CNTNAP2: variants seen among roughly 807,000 people sequenced by gnomAD.
CNTNAP2 encodes contactin associated protein 2.
A neutral mutation model predicts 155.2 loss-of-function variants in CNTNAP2; 98 were observed. The observed-to-expected ratio is 0.63, with a 90% CI of 0.54 to 0.75. The LOEUF (loss-of-function observed/expected upper bound fraction) is 0.75, where lower values mean the gene tolerates loss of function less well. Among genes scored for constraint, CNTNAP2 ranks in the 30% least tolerant of loss-of-function variants. CNTNAP2 has a pLI of 0.00. For synonymous variants in CNTNAP2, 651 were observed against 631.2 expected, an observed-to-expected ratio of 1.03 and a Z score of -0.47; for missense variants, 1,727 against 1,688.1, an observed-to-expected ratio of 1.02 and a Z score of -0.40.
rs865873413 is a variant in CNTNAP2 at position 146,383,995 on chromosome 7, A to C, written c.97+267022A>C. On this transcript the variant is annotated intron_variant, in intron 1 of 23. Transcript: ENST00000361727. The stretch of plus-strand genomic sequence containing the variant: ...CAACCTGTTTGTTAGCTGTAATGTA[A>C]AAGAGTGTCACTGATTCGATATTGA... Among the ~76,000 whole-genome samples the C allele has an allele frequency of 3.5e-4, 54 of 152,250 alleles. 1 individual carries two copies. Among genetic ancestry groups the C allele is most frequent in the Middle Eastern group, 3.4e-3 (1 of 294 alleles).
intron 4 of CNTNAP2, among the ~76,000 whole-genome samples, chr7:147,071,442 A>G (rs1379328479): frequency 1.3e-5 from 2 of 152,016 alleles, no homozygotes; most frequent in African/African-American, 4.8e-5. Context: ...TACCATTTAT[A>G]TTAGGCTTTA....
chr7:146,206,610 A>G (rs1423398415), intron 1 of CNTNAP2, among the ~76,000 whole-genome samples: 3 of 151,968 alleles, frequency 2.0e-5, no homozygotes, highest in African/African-American at 7.2e-5. Context: ...ATAATGCACC[A>G]TTTCTCTTTT....
intron 14 of CNTNAP2, among the ~76,000 whole-genome samples, chr7:147,953,000 G>C (rs1800961124): frequency 6.6e-6 from 1 of 152,144 alleles, no homozygotes; most frequent in Non-Finnish European, 1.5e-5. Flanking sequence ...GGCAAAGCAA[G>C]CCTGTGCTGT....
At chr7:147,869,223 G>T (rs991148916) in intron 13 of CNTNAP2, among the ~76,000 whole-genome samples, 1 of 152,174 alleles carries the variant, frequency 6.6e-6, no homozygotes, top group Non-Finnish European at 1.5e-5. Flanking sequence ...AAATTACTGT[G>T]TATATGACAC....
rs554761653 is a variant in CNTNAP2, at chr7:147,253,111, A to G, written c.1349-47030A>G. 3.3e-5 allele frequency among the ~76,000 whole-genome samples: 5 copies of G among 152,326 alleles called. No individual in the cohort carries two copies. The South Asian group carries it at 1.0e-3, about 32-fold the overall frequency. ...TGGGAGAGAATAACATGCCTAGTCC[A>G]GGTCGTTAAAACTTAGATTATTTTC... On this transcript the variant is annotated intron_variant, in intron 8 of 23. Coordinates refer to ENST00000361727, the MANE Select transcript of CNTNAP2 (RefSeq NM_014141.6).
intron 3 of CNTNAP2, among the ~76,000 whole-genome samples, chr7:146,880,323 T>C (rs1247910393): frequency 6.6e-6 from 1 of 151,942 alleles, no homozygotes; most frequent in East Asian, 1.9e-4. Flanking sequence ...CTTTATGCTC[T>C]CTCTTTCTGC....
chr7:147,681,518 C>T (rs1366487739), intron 13 of CNTNAP2, among the ~76,000 whole-genome samples: 1 of 151,872 alleles, frequency 6.6e-6, no homozygotes, highest in African/African-American at 2.4e-5. Flanking sequence ...TGTTTTAGAA[C>T]TCTCTAAAGC....
intron 14 of CNTNAP2, among the ~76,000 whole-genome samples, chr7:147,923,724 A>G (rs1800328382): frequency 6.6e-6 from 1 of 151,790 alleles, no homozygotes; most frequent in Admixed American, 6.6e-5. Context: ...CTTTGTAGGA[A>G]TTTTCTGTGT....
chr7:148,267,701 A>ATTG (rs1163026580), intron 21 of CNTNAP2, among the ~76,000 whole-genome samples: 2 of 151,182 alleles, frequency 1.3e-5, no homozygotes, highest in Non-Finnish European at 2.9e-5. Flanking sequence ...ACACATTGTG[A>ATTG]TTGGTAATGG....
At chr7:148,406,580 C>T (rs374052387) in intron 22 of CNTNAP2, among the ~76,000 whole-genome samples, 42 of 152,280 alleles carry the variant, frequency 2.8e-4, no homozygotes, top group African/African-American at 8.4e-4. Flanking sequence ...GACTTTGGAA[C>T]GAACCCTACA....
In CNTNAP2 at chr7:147,967,668, G is replaced by T. The variant is rs563427110; in HGVS notation, c.2256-10194G>T. On this transcript the variant is annotated intron_variant, in intron 14 of 23. Coordinates refer to ENST00000361727, the MANE Select transcript of CNTNAP2 (RefSeq NM_014141.6). ...CAGAAATTTACTGTTCTAATTGCAT[G>T]TGGGGAGACTGTGTAGGACTACAAA... Among the ~76,000 whole-genome samples the T allele has an allele frequency of 9.2e-4, 140 of 152,274 alleles. 1 individual carries two copies. The highest frequency in any genetic ancestry group is 3.2e-3 in the African/African-American group (135 of 41,550).
chr7:147,985,426 T>TTTG (rs1801601947), intron 15 of CNTNAP2, among the ~76,000 whole-genome samples: 1 of 147,170 alleles, frequency 6.8e-6, no homozygotes, highest in Non-Finnish European at 1.5e-5. Flanking sequence ...TTTTTTTTTT[T>TTTG]GCGAATCTTC....
At chr7:147,084,853 CACAT>C (rs1328962097) in intron 4 of CNTNAP2, among the ~76,000 whole-genome samples, 1 of 148,632 alleles carries the variant, frequency 6.7e-6, no homozygotes, top group Non-Finnish European at 1.5e-5. Flanking sequence ...TATAGGCACA[CACAT>C]ATAGTGTTTG....
chr7:147,170,875 T>C (rs1292639265), intron 8 of CNTNAP2, among the ~76,000 whole-genome samples: 1 of 152,100 alleles, frequency 6.6e-6, no homozygotes, highest in African/African-American at 2.4e-5. Context: ...GCGGGACAGA[T>C]GTGCCTCAGT....
intron 16 of CNTNAP2, among the ~76,000 whole-genome samples, chr7:148,146,125 T>G (rs889074640): frequency 2.0e-5 from 3 of 152,060 alleles, no homozygotes; most frequent in Admixed American, 2.0e-4. Flanking sequence ...CGTCTTAAAA[T>G]GGTACCAGCC....
intron 13 of CNTNAP2, among the ~76,000 whole-genome samples, chr7:147,881,786 C>G (rs1799526608): frequency 6.6e-6 from 1 of 152,042 alleles, no homozygotes; most frequent in Non-Finnish European, 1.5e-5. Context: ...GCCTGGCCAA[C>G]AACGGTGAAA....
chr7:147,007,717 T>G (rs1033902131), intron 3 of CNTNAP2, among the ~76,000 whole-genome samples: 2 of 151,902 alleles, frequency 1.3e-5, no homozygotes, highest in African/African-American at 2.4e-5. Flanking sequence ...TAAAATTAAA[T>G]ATCTTAAAAT....
intron 14 of CNTNAP2, among the ~76,000 whole-genome samples, chr7:147,957,898 G>T (rs1801046960): frequency 6.6e-6 from 1 of 152,020 alleles, no homozygotes; most frequent in African/African-American, 2.4e-5. Flanking sequence ...AACATGAGGA[G>T]ACTCTGTCTC....
intron 1 of CNTNAP2, among the ~76,000 whole-genome samples, chr7:146,637,612 T>G (rs1361009610): frequency 1.3e-5 from 2 of 152,186 alleles, no homozygotes; most frequent in Non-Finnish European, 2.9e-5. Context: ...TAGCAAATGC[T>G]CTTTGATTTG....
Sources: allele counts gnomAD v4.1 joint callset (sites outside exome capture counted in the v4.1 genomes callset), GRCh38; gene constraint gnomAD v4.1.1; transcripts MANE v1.5; gene names NCBI Gene and HGNC (gene_info 2026-07-23, HGNC 2026-07-21).